MGAT4C: variants seen among roughly 807,000 people sequenced by gnomAD.
MGAT4C encodes alpha-1,3-mannosyl-glycoprotein 4-beta-N-acetylglucosaminyltransferase C.
Under a neutral mutation model 40.1 loss-of-function variants are expected in MGAT4C, and 19 were observed. That is an observed-to-expected ratio of 0.47 (90% confidence interval 0.33 to 0.70). The LOEUF (loss-of-function observed/expected upper bound fraction) is 0.70, where lower values mean the gene tolerates loss of function less well. Among genes scored for constraint, MGAT4C ranks in the 30% least tolerant of loss-of-function variants. The pLI is 0.02. For missense variants in MGAT4C, 491 were observed against 563.2 expected, an observed-to-expected ratio of 0.87 and a Z score of 1.30; for synonymous variants, 181 against 187.1, an observed-to-expected ratio of 0.97 and a Z score of 0.27.
chr12:86,711,776 T>C (rs112445478), intron 2 of MGAT4C, among the ~76,000 whole-genome samples: 5,998 of 152,244 alleles, frequency 0.039, 154 homozygotes, highest in Non-Finnish European at 0.048. Flanking sequence ...ATTTGTGTTG[T>C]TTTGTATCAG....
chr12:86,822,501 T>G (rs1952722852), intron 1 of MGAT4C, among the ~76,000 whole-genome samples: 1 of 151,022 alleles, frequency 6.6e-6, no homozygotes, highest in Non-Finnish European at 1.5e-5. Context: ...GAAAAAAAGA[T>G]ACTCCATGCA....
chr12:86,784,865 A>C (rs1951905032), intron 1 of MGAT4C, among the ~76,000 whole-genome samples: 1 of 151,956 alleles, frequency 6.6e-6, no homozygotes, highest in Admixed American at 6.6e-5. Context: ...TGCAGTTCTG[A>C]AAAACTAACT....
intron 2 of MGAT4C, among the ~76,000 whole-genome samples, chr12:86,696,544 G>A (rs1174869660): frequency 6.6e-6 from 1 of 152,162 alleles, no homozygotes. Flanking sequence ...TTTTGGAGGT[G>A]GATGCAAAAT....
chr12:86,345,118 G>T lies in MGAT4C; in HGVS notation c.-119-10991C>A, dbSNP rs116510518. Among the ~76,000 whole-genome samples the T allele has an allele frequency of 5.9e-3, 898 of 151,986 alleles. 6 individuals carry two copies. Among genetic ancestry groups the T allele is most frequent in the African/African-American group, 0.021 (855 of 41,466 alleles). On this transcript the variant is annotated intron_variant, in intron 3 of 7. Transcript: ENST00000548651. Reference sequence around the variant, plus strand: ...TCACACAAATGATACCCAACATAATGTAATATACTTCAGTTTCAGGAAAAT... The same window carrying T: ...TCACACAAATGATACCCAACATAATTTAATATACTTCAGTTTCAGGAAAAT...
chr12:86,691,412 T>C (rs558921947), intron 2 of MGAT4C, among the ~76,000 whole-genome samples: 2 of 152,086 alleles, frequency 1.3e-5, no homozygotes, highest in South Asian at 4.1e-4. Flanking sequence ...GCTTGAGCAA[T>C]GTCACTAAGC....
chr12:86,733,424 A>AAAACAAAC (rs528730046), intron 1 of MGAT4C, among the ~76,000 whole-genome samples: 54 of 152,110 alleles, frequency 3.6e-4, no homozygotes, highest in African/African-American at 1.3e-3. Flanking sequence ...CAAGAAGAGC[A>AAAACAAAC]AAACAAACAA....
At chr12:86,623,451 AAATGTATC>A (rs1216825728) in intron 2 of MGAT4C, among the ~76,000 whole-genome samples, 1 of 152,192 alleles carries the variant, frequency 6.6e-6, no homozygotes, top group African/African-American at 2.4e-5. Context: ...GTTTTTTTTA[AAATGTATC>A]AATGAACAAA....
chr12:86,800,014 T>A (rs948152732), intron 1 of MGAT4C, among the ~76,000 whole-genome samples: 2 of 151,876 alleles, frequency 1.3e-5, no homozygotes, highest in Non-Finnish European at 2.9e-5. Flanking sequence ...AAATGTAAAA[T>A]CTTTGGTTCA....
intron 1 of MGAT4C, among the ~76,000 whole-genome samples, chr12:86,208,030 T>C (rs1331962840): frequency 6.6e-6 from 1 of 152,190 alleles, no homozygotes; most frequent in Non-Finnish European, 1.5e-5. Flanking sequence ...AGCCTTAATG[T>C]TTTCCTAAGC....
chr12:86,812,413 T>C (rs1042864344), intron 1 of MGAT4C, among the ~76,000 whole-genome samples: 2 of 152,060 alleles, frequency 1.3e-5, no homozygotes, highest in African/African-American at 4.8e-5. Flanking sequence ...CCAATTATAT[T>C]TGTGGATTTG....
At chr12:86,277,364 T>C (rs889070604) in intron 4 of MGAT4C, among the ~76,000 whole-genome samples, 8 of 152,236 alleles carry the variant, frequency 5.3e-5, no homozygotes, top group Admixed American at 2.0e-4. Flanking sequence ...TTGCTGATTA[T>C]TTTGTTTACT....
rs1001381962 is a variant in MGAT4C at position 85,968,840 on chromosome 12, T to A, written c.*10449A>T. On this transcript the variant is annotated 3_prime_UTR_variant, in exon 5 of 5. Coordinates refer to ENST00000611864, the MANE Select transcript of MGAT4C (RefSeq NM_001351288.2). ...CAGCCAGACTTAAAAACTAGTAATT[T>A]AGACAAGTGTGAGCAGAGGTTAATA... 1.3e-5 allele frequency: 2 copies of A among 151,336 alleles called. No homozygotes were observed. Among genetic ancestry groups the A allele is most frequent in the African/African-American group, 4.8e-5 (2 of 41,374 alleles). The allele number at this position is 151,336 out of a possible 1,614,324, so 9.4% of individuals were successfully genotyped here.
chr12:86,501,669 T>C (rs1958345592), intron 2 of MGAT4C, among the ~76,000 whole-genome samples: 1 of 152,112 alleles, frequency 6.6e-6, no homozygotes. Flanking sequence ...GCAAAGGACA[T>C]GATCTTGTTC....
chr12:86,759,353 G>A (rs1428279318), intron 1 of MGAT4C, among the ~76,000 whole-genome samples: 1 of 152,062 alleles, frequency 6.6e-6, no homozygotes, highest in Non-Finnish European at 1.5e-5. Flanking sequence ...AGACAGGAGT[G>A]CAGCCATCTC....
intron 1 of MGAT4C, among the ~76,000 whole-genome samples, chr12:86,806,451 A>T (rs201980253): frequency 3.3e-4 from 32 of 96,632 alleles, no homozygotes; most frequent in African/African-American, 5.7e-4. Flanking sequence ...TGTGTGTGTG[A>T]GAGAGAGAGT....
chr12:86,412,619 T>G (rs993522139), intron 3 of MGAT4C, among the ~76,000 whole-genome samples: 3 of 152,172 alleles, frequency 2.0e-5, no homozygotes, highest in Admixed American at 1.3e-4. Flanking sequence ...TTTTACAAGA[T>G]CATAGGTGGA....
At chr12:86,721,015 A>C (rs1471900247) in intron 2 of MGAT4C, among the ~76,000 whole-genome samples, 4 of 152,158 alleles carry the variant, frequency 2.6e-5, no homozygotes, top group Non-Finnish European at 4.4e-5. Context: ...GGTAAAATTA[A>C]TCCCAAGTTG....
chr12:86,233,213 G>C (rs1951400387), intron 1 of MGAT4C, among the ~76,000 whole-genome samples: 1 of 152,130 alleles, frequency 6.6e-6, no homozygotes, highest in Non-Finnish European at 1.5e-5. Flanking sequence ...TATTTTGCAG[G>C]AAACAGTTTT....
At chr12:86,202,478 G>T (rs747432340) in intron 1 of MGAT4C, among the ~76,000 whole-genome samples, 1 of 151,784 alleles carries the variant, frequency 6.6e-6, no homozygotes, top group South Asian at 2.1e-4. Context: ...ATTATTGGAC[G>T]CAATTTGCAA....
Sources: gnomAD v4.1 joint callset for allele counts (sites outside exome capture counted in the v4.1 genomes callset) on GRCh38, gnomAD v4.1.1 for gene constraint, MANE v1.5 for transcripts, NCBI Gene and HGNC (gene_info 2026-07-23, HGNC 2026-07-21) for gene names.